The following ZNF320 variants were observed in gnomAD, a reference collection of about 807,000 sequenced individuals.
The protein encoded by ZNF320 is zinc finger protein 320.
In ZNF320, 2 loss-of-function variants were observed where a neutral mutation model predicts 6.8. That is an observed-to-expected ratio of 0.29 (90% CI 0.12 to 0.93). The LOEUF is 0.93. Ranked by LOEUF, ZNF320 falls within the 40% of genes least tolerant of loss-of-function variation. ZNF320 has a pLI of 0.55. For missense variants in ZNF320, 472 were observed against 611.0 expected (o/e 0.77, Z 2.40); for synonymous variants, 208 against 203.2 (o/e 1.02, Z -0.20).
intron 4 of ZNF320, among the ~76,000 whole-genome samples, chr19:52,889,043 G>A (rs1289788890): frequency 6.6e-6 from 1 of 152,006 alleles, no homozygotes; most frequent in Non-Finnish European, 1.5e-5. Context: ...AATTAGCTGG[G>A]CGTGGTGGCA....
exon 6 of ZNF320, chr19:52,862,753 G>A: frequency 2.6e-6 from 1 of 383,260 alleles, no homozygotes; most frequent in Non-Finnish European, 5.3e-6. Flanking sequence ...CCTTACATTT[G>A]TATGGCTTCT....
chr19:52,903,842 A>G, the ZNF320 span, among the ~76,000 whole-genome samples: 1 of 151,924 alleles, frequency 6.6e-6, no homozygotes, highest in African/African-American at 2.4e-5. Context: ...TGAGTACTAA[A>G]AAATTCAAGC....
chr19:52,903,704 G>A, the ZNF320 span, among the ~76,000 whole-genome samples: 1 of 149,712 alleles, frequency 6.7e-6, no homozygotes, highest in Non-Finnish European at 1.5e-5. Flanking sequence ...CCTGAACTAT[G>A]TTTTTTTTTT....
At chr19:52,860,484 A>G (rs2063481106), downstream of ZNF320, among the ~76,000 whole-genome samples, 1 of 151,422 alleles carries the variant, frequency 6.6e-6, no homozygotes, top group Non-Finnish European at 1.5e-5. Flanking sequence ...CTGTAATCCT[A>G]GCTCCTCAGG....
rs1358935659 is a variant in ZNF320 at position 52,881,459 on chromosome 19, C to T, written c.667G>A (p.Gly223Ser). 2 of 1,614,130 alleles carry T rather than the reference C, an allele frequency of 1.2e-6. No individual in the cohort carries two copies. Among genetic ancestry groups the T allele is most frequent in the Non-Finnish European group, 1.7e-6 (2 of 1,180,032 alleles). The change falls in exon 6 of 6, where the codon GGC becomes AGC. Residue 223 changes from glycine to serine, a missense_variant. Gly to Ser is a moderately conservative substitution (Grantham distance 56). Around this residue, in one of 2 missense-constraint regions of ZNF320, gnomAD observed 462 missense variants for 559.7 expected, o/e 0.83. Transcript: ENST00000682928. ...GDKHYTCNEC[G>S]KVFDQKATLA... is the part of the protein sequence containing the mutation. Reference sequence around the variant, plus strand: ...GTTGCTTTTTGATCAAAAACCTTGCCACATTCATTACATGTGTAATGTTTG... The same window carrying T: ...GTTGCTTTTTGATCAAAAACCTTGCTACATTCATTACATGTGTAATGTTTG...
At chr19:52,894,613 C>T (rs2064415449) in intron 1 of ZNF320, among the ~76,000 whole-genome samples, 1 of 152,128 alleles carries the variant, frequency 6.6e-6, no homozygotes, top group African/African-American at 2.4e-5. Context: ...GTGGCTCACG[C>T]CTGTAATCCT....
At chr19:52,888,362 C>A (rs201853730) in intron 4 of ZNF320, 109 bp from the exon 5 acceptor site, 3 of 378,286 alleles carry the variant, frequency 7.9e-6, no homozygotes, top group South Asian at 2.7e-5. Context: ...GAGAATGTTC[C>A]GACAAATCCA....
rs759687957 is a variant in ZNF320, at chr19:52,881,655, T to C, written c.471A>G (p.Gly157=). 1 of 1,613,914 alleles carries C rather than the reference T, an allele frequency of 6.2e-7. No individual in the cohort carries two copies. Among genetic ancestry groups the C allele is most frequent in the Non-Finnish European group, 8.5e-7 (1 of 1,179,924 alleles). The part of the protein sequence containing the change: ...HLRRHRRIHT[G]EKPYKCEECE... ...ATTCTTCACATTTGTAAGGTTTCTC[T>C]CCAGTATGAATTCTCCTATGTCTTC... Residue 157 remains glycine, a synonymous_variant, in exon 6 of 6, where the codon GGA becomes GGG. Coordinates refer to ENST00000682928, the MANE Select transcript of ZNF320 (RefSeq NM_001351774.2).
chr19:52,877,910 A>G lies in ZNF320; in HGVS notation c.*2686T>C, dbSNP rs969037094. Reference sequence around the variant, plus strand: ...ATCTCAAAAAAACAAAACAAACAAAACAGAATTTAAAATACAGAATTAAGT... The same window carrying G: ...ATCTCAAAAAAACAAAACAAACAAAGCAGAATTTAAAATACAGAATTAAGT... On this transcript the variant is annotated 3_prime_UTR_variant, in exon 6 of 6. Coordinates refer to ENST00000682928, the MANE Select transcript of ZNF320 (RefSeq NM_001351774.2). The G allele has an allele frequency of 3.9e-5, 6 of 152,254 alleles. No homozygotes were observed. The highest frequency in any genetic ancestry group is 3.3e-4 in the Admixed American group (5 of 15,272). The allele number at this position is 152,254 out of a possible 1,614,324, so 9.4% of individuals were successfully genotyped here.
chr19:52,893,145 A>G (rs1246332184), intron 2 of ZNF320, among the ~76,000 whole-genome samples: 1 of 151,594 alleles, frequency 6.6e-6, no homozygotes, highest in Non-Finnish European at 1.5e-5. Context: ...CCTTTGGCCC[A>G]CACAATCACA....
At chr19:52,900,780 C>T (rs1411643397), upstream of ZNF320, among the ~76,000 whole-genome samples, 1 of 151,976 alleles carries the variant, frequency 6.6e-6, no homozygotes, top group Non-Finnish European at 1.5e-5. Flanking sequence ...AGCCCCCACT[C>T]ATGCAAGAGG....
chr19:52,865,120 G>A (rs1044392220), intron 5 of ZNF320, among the ~76,000 whole-genome samples: 1 of 152,110 alleles, frequency 6.6e-6, no homozygotes, highest in Admixed American at 6.6e-5. Context: ...TCAGGAGTTG[G>A]AGACCAGCCT....
At chr19:52,866,869 CAAAAAAA>C (rs58231328) in intron 5 of ZNF320, among the ~76,000 whole-genome samples, 81 of 108,904 alleles carry the variant, frequency 7.4e-4, no homozygotes, top group Middle Eastern at 5.4e-3. Flanking sequence ...ACAAAACATA[CAAAAAAA>C]AAAAAAAAAA....
chr19:52,867,568 G>A (rs867715510), intron 5 of ZNF320, among the ~76,000 whole-genome samples: 4 of 152,224 alleles, frequency 2.6e-5, no homozygotes, highest in Middle Eastern at 3.4e-3. Context: ...GGTCATGGGT[G>A]TTGACTACTC....
At chr19:52,875,229 T>C (rs538897139), downstream of ZNF320, among the ~76,000 whole-genome samples, 6 of 151,486 alleles carry the variant, frequency 4.0e-5, no homozygotes, top group South Asian at 2.1e-4. Flanking sequence ...TGTAGGACTG[T>C]AAGGGAATGT....
upstream of ZNF320, among the ~76,000 whole-genome samples, chr19:52,902,071 G>A (rs933530060): frequency 6.6e-6 from 1 of 151,680 alleles, no homozygotes; most frequent in Non-Finnish European, 1.5e-5. Context: ...CTAGTTATTC[G>A]GCAGAGTGCC....
downstream of ZNF320, among the ~76,000 whole-genome samples, chr19:52,872,989 C>T (rs559321948): frequency 2.6e-4 from 39 of 152,340 alleles, no homozygotes; most frequent in African/African-American, 9.1e-4. Flanking sequence ...TGACTTTACA[C>T]AAACATCTCA....
upstream of ZNF320, among the ~76,000 whole-genome samples, chr19:52,900,146 C>T (rs559616483): frequency 6.6e-6 from 1 of 152,136 alleles, no homozygotes; most frequent in African/African-American, 2.4e-5. Flanking sequence ...CTGGTATAAC[C>T]TGGTGGGGGC....
At chr19:52,863,193 CA>C (rs1201127618) in exon 6 of ZNF320, among the ~76,000 whole-genome samples, 1 of 151,430 alleles carries the variant, frequency 6.6e-6, no homozygotes, top group African/African-American at 2.4e-5. Flanking sequence ...CTCCTTACTG[CA>C]AAAAAATGAA....
Sources: gnomAD v4.1 joint callset for allele counts (sites outside exome capture counted in the v4.1 genomes callset) on GRCh38, gnomAD v4.1.1 for gene constraint, gnomAD v4.1.1 regional missense constraint, MANE v1.5 for transcripts, NCBI Gene and HGNC (gene_info 2026-07-23, HGNC 2026-07-21) for gene names.